FRMPD3: variants seen among roughly 807,000 people sequenced by gnomAD.
The protein encoded by FRMPD3 is FERM and PDZ domain containing 3.
FRMPD3 carries 42 observed loss-of-function variants against 97.9 expected under a neutral mutation model. The ratio of observed to expected loss-of-function variants is 0.43; its 90% CI spans 0.34 to 0.55. The LOEUF (loss-of-function observed/expected upper bound fraction) is 0.55, where lower values mean the gene tolerates loss of function less well. Ranked by LOEUF, FRMPD3 falls within the 20% of genes least tolerant of loss-of-function variation. FRMPD3 has a pLI of 0.03. For missense variants in FRMPD3, 1,303 were observed against 1,457.7 expected (o/e 0.89, Z 1.73); for synonymous variants, 577 against 581.1 (o/e 0.99, Z 0.10).
intron 1 of FRMPD3, among the ~76,000 whole-genome samples, chrX:107,473,878 G>A (rs760524477): frequency 5.3e-5 from 6 of 112,292 alleles, no homozygotes; most frequent in African/African-American, 1.9e-4. Flanking sequence ...GAGGTCAGGA[G>A]TTCGAGACCA....
At chrX:107,489,288 A>G (rs1365317138) in intron 1 of FRMPD3, among the ~76,000 whole-genome samples, 2 of 110,384 alleles carry the variant, frequency 1.8e-5, no homozygotes, top group African/African-American at 6.6e-5. Context: ...TAGTGCCGCA[A>G]TAAACATACG....
chrX:107,531,663 C>T (rs1462168588), intron 3 of FRMPD3, among the ~76,000 whole-genome samples: 2 of 111,369 alleles, frequency 1.8e-5, no homozygotes, highest in African/African-American at 6.5e-5. Context: ...TCCCTAATGA[C>T]CTTTTCTTTG....
At chrX:107,524,304 A>G (rs1281757473) in intron 1 of FRMPD3, among the ~76,000 whole-genome samples, 2 of 112,532 alleles carry the variant, frequency 1.8e-5, no homozygotes, top group Non-Finnish European at 3.8e-5. Context: ...CCTGTCCAGG[A>G]CACTAATCAG....
chrX:107,507,382 CGGGGAGATAA>C (rs1056715536), intron 1 of FRMPD3, among the ~76,000 whole-genome samples: 4 of 105,689 alleles, frequency 3.8e-5, no homozygotes, highest in Admixed American at 2.0e-4. Flanking sequence ...TGCGGGGGAT[CGGGGAGATAA>C]GGGGCGAGGG....
At chrX:107,505,713 G>T (rs1200328542) in intron 1 of FRMPD3, among the ~76,000 whole-genome samples, 1 of 112,617 alleles carries the variant, frequency 8.9e-6, no homozygotes, top group African/African-American at 3.2e-5. Flanking sequence ...TCATCATTTT[G>T]ACCAGAAGGA....
chrX:107,457,160 G>A (rs184066091), intron 1 of FRMPD3, among the ~76,000 whole-genome samples: 185 of 110,866 alleles, frequency 1.7e-3, no homozygotes, highest in Non-Finnish European at 3.0e-3. Flanking sequence ...AGAGCAGCAG[G>A]TATCATGGTT....
intron 1 of FRMPD3, among the ~76,000 whole-genome samples, chrX:107,477,272 C>T (rs1921222241): frequency 1.9e-5 from 2 of 106,564 alleles, no homozygotes; most frequent in Non-Finnish European, 1.9e-5. Context: ...GAAGAGCCAG[C>T]TGGGTGCCCT....
At chrX:107,524,721 G>A (rs1050889522) in intron 1 of FRMPD3, among the ~76,000 whole-genome samples, 7 of 111,113 alleles carry the variant, frequency 6.3e-5, no homozygotes, top group Non-Finnish European at 1.3e-4. Context: ...GGCTAGGCGC[G>A]GTGGCTCACG....
At chrX:107,464,864 A>C (rs1931531748) in intron 1 of FRMPD3, among the ~76,000 whole-genome samples, 1 of 111,878 alleles carries the variant, frequency 8.9e-6, no homozygotes, top group African/African-American at 3.3e-5. Flanking sequence ...TTGGGGACCT[A>C]TCTGGTCAGG....
At chrX:107,482,506 C>T (rs1388531959) in intron 1 of FRMPD3, among the ~76,000 whole-genome samples, 1 of 111,248 alleles carries the variant, frequency 9.0e-6, no homozygotes, top group African/African-American at 3.3e-5. Context: ...TGTTTTTCTT[C>T]ACCCCAGCCT....
intron 1 of FRMPD3, among the ~76,000 whole-genome samples, chrX:107,489,762 A>C (rs1375253810): frequency 8.9e-6 from 1 of 111,861 alleles, no homozygotes; most frequent in African/African-American, 3.3e-5. Flanking sequence ...AGTAGGTTGC[A>C]TAAATTTTCT....
chrX:107,466,180 G>A (rs1168093776), intron 1 of FRMPD3, among the ~76,000 whole-genome samples: 1 of 112,689 alleles, frequency 8.9e-6, no homozygotes, highest in Non-Finnish European at 1.9e-5. Flanking sequence ...TGCACCCAAC[G>A]TTCTGCAGAA....
rs1217473020 is a variant in FRMPD3, at chrX:107,571,970, C to G, written c.1297-4345C>G. On this transcript the variant is annotated intron_variant, in intron 12 of 14. Transcript: ENST00000683843. ...CACCCACGTACCACTCCAGGACATT[C>G]TACGTTTGGGTAGCTCTCTATACGT... 1.6e-4 allele frequency among the ~76,000 whole-genome samples: 18 copies of G among 112,745 alleles called. No homozygotes were observed. The Admixed American group carries it at 1.7e-3, about 11-fold the overall frequency.
chrX:107,496,571 C>T (rs73522804), intron 1 of FRMPD3, among the ~76,000 whole-genome samples: 2 of 111,895 alleles, frequency 1.8e-5, no homozygotes, highest in African/African-American at 6.5e-5. Flanking sequence ...TGTTTTATCA[C>T]CTCTGAGTGT....
intron 1 of FRMPD3, among the ~76,000 whole-genome samples, chrX:107,459,884 TAC>T (rs67324661): frequency 0.3 from 26,668 of 89,354 alleles, 3,404 homozygotes; most frequent in East Asian, 0.5. Context: ...CAAGCATACA[TAC>T]ACACACACAC....
intron 5 of FRMPD3, 151 bp from the exon 6 acceptor site, chrX:107,549,898 T>C: frequency 4.5e-6 from 2 of 447,660 alleles, no homozygotes; most frequent in African/African-American, 2.4e-5. Context: ...CCATGTATTA[T>C]TGATCTGCTC....
intron 2 of FRMPD3, among the ~76,000 whole-genome samples, chrX:107,527,630 G>A (rs1922747374): frequency 8.9e-6 from 1 of 112,414 alleles, no homozygotes; most frequent in Non-Finnish European, 1.9e-5. Context: ...GCTAGGCATT[G>A]ACAAAAAAGA....
intron 4 of FRMPD3, among the ~76,000 whole-genome samples, chrX:107,544,040 T>C (rs1921456812): frequency 9.0e-6 from 1 of 111,236 alleles, no homozygotes; most frequent in African/African-American, 3.3e-5. Context: ...TACTATTCAG[T>C]CTTTAAGAAG....
chrX:107,474,434 A>G (rs1306605544), intron 1 of FRMPD3, among the ~76,000 whole-genome samples: 3 of 111,407 alleles, frequency 2.7e-5, no homozygotes, highest in African/African-American at 9.8e-5. Flanking sequence ...ATCAAGAGAT[A>G]GGAAAAGAGG....
Sources: allele counts gnomAD v4.1 joint callset (sites outside exome capture counted in the v4.1 genomes callset), GRCh38; gene constraint gnomAD v4.1.1; transcripts MANE v1.5; gene names NCBI Gene and HGNC (gene_info 2026-07-23, HGNC 2026-07-21).